SORCS1: variants seen among roughly 807,000 people sequenced by gnomAD.
The protein encoded by SORCS1 is VPS10 domain-containing receptor SorCS1.
In SORCS1, 60 loss-of-function variants were observed where a neutral mutation model predicts 146.1. That is an observed-to-expected ratio of 0.41 (90% CI 0.33 to 0.51). The LOEUF is 0.51. Ranked by LOEUF, SORCS1 falls within the 20% of genes least tolerant of loss-of-function variation. SORCS1 has a pLI of 0.21. For missense variants in SORCS1, 1,352 were observed against 1,487.6 expected, an observed-to-expected ratio of 0.91 and a Z score of 1.50; for synonymous variants, 637 against 584.0, an observed-to-expected ratio of 1.09 and a Z score of -1.31.
chr10:106,895,350 C>T (rs1589653060), intron 2 of SORCS1, among the ~76,000 whole-genome samples: 1 of 152,158 alleles, frequency 6.6e-6, no homozygotes, highest in Non-Finnish European at 1.5e-5. Context: ...GTGACTCATG[C>T]CTGTAATCCC....
chr10:106,608,851 G>A (rs962371179), intron 22 of SORCS1, among the ~76,000 whole-genome samples: 3 of 152,208 alleles, frequency 2.0e-5, no homozygotes, highest in Admixed American at 6.5e-5. Context: ...AAGAGACCCC[G>A]AGGGGAGACA....
chr10:106,660,776 C>T (rs559966397), intron 17 of SORCS1, among the ~76,000 whole-genome samples: 1 of 150,848 alleles, frequency 6.6e-6, no homozygotes, highest in Non-Finnish European at 1.5e-5. Context: ...GTCCCCATTG[C>T]ATATTGAGAA....
chr10:106,679,452 T>C, intron 11 of SORCS1, 120 bp from the exon 12 acceptor site: 1 of 963,204 alleles, frequency 1.0e-6, no homozygotes, highest in Non-Finnish European at 1.6e-6. Flanking sequence ...TGTGCAGGGG[T>C]TTTCTGCAGA....
Position 106,625,036 on chromosome 10 carries a change from G to T in SORCS1, c.2662+4166C>A, listed in dbSNP as rs922883508. 3.9e-5 allele frequency among the ~76,000 whole-genome samples: 6 copies of T among 152,206 alleles called. No individual in the cohort carries two copies. The East Asian group carries it at 5.8e-4, about 15-fold the overall frequency. ...AGACAGGTGCCTGCAATGCACAAAA[G>T]GGACAGTAGGTGGCGCTGCATCATT... On this transcript the variant is annotated intron_variant, in intron 19 of 25. Coordinates refer to ENST00000263054, the MANE Select transcript of SORCS1 (RefSeq NM_052918.5).
rs77492889 is a variant in SORCS1 at position 106,680,354 on chromosome 10, A to C, written c.1561-620T>G. Among the ~76,000 whole-genome samples the C allele has an allele frequency of 1.9e-3, 285 of 152,350 alleles. 2 individuals are homozygous for C. The highest frequency in any genetic ancestry group is 6.6e-3 in the African/African-American group (276 of 41,576). ...GGAGAGAAGGTCAAGTCAAGCTGGG[A>C]GGATTTTGAAAAAGTAGGTTGGCAT... On this transcript the variant is annotated intron_variant, in intron 10 of 25. Transcript: ENST00000263054.
At chr10:107,059,269 G>A (rs943249379) in intron 1 of SORCS1, among the ~76,000 whole-genome samples, 3 of 152,026 alleles carry the variant, frequency 2.0e-5, no homozygotes, top group Admixed American at 6.6e-5. Context: ...CAAATCCCAC[G>A]CACACATTAT....
chr10:106,996,042 C>A (rs1956984228), intron 1 of SORCS1, among the ~76,000 whole-genome samples: 1 of 151,874 alleles, frequency 6.6e-6, no homozygotes, highest in South Asian at 2.1e-4. Flanking sequence ...AAGTTCAAGA[C>A]CAGCCTGGCC....
chr10:106,743,916 C>G (rs1857531645), intron 5 of SORCS1, among the ~76,000 whole-genome samples: 1 of 152,106 alleles, frequency 6.6e-6, no homozygotes, highest in South Asian at 2.1e-4. Context: ...TCCTTCAGTA[C>G]TTTTTCAGTG....
chr10:106,978,955 A>G (rs1023023), intron 1 of SORCS1, among the ~76,000 whole-genome samples: 34,023 of 152,136 alleles, frequency 0.22, 4,621 homozygotes, highest in Middle Eastern at 0.34. Context: ...TTTATTTACA[A>G]AACAGGCAAT....
the SORCS1 span, among the ~76,000 whole-genome samples, chr10:107,178,496 A>G: frequency 6.7e-6 from 1 of 149,222 alleles, no homozygotes; most frequent in Admixed American, 6.7e-5. Context: ...TTATATATAT[A>G]TATATATTTT....
At chr10:106,844,150 T>A (rs1019287484) in intron 2 of SORCS1, among the ~76,000 whole-genome samples, 2 of 152,242 alleles carry the variant, frequency 1.3e-5, no homozygotes, top group Non-Finnish European at 2.9e-5. Flanking sequence ...ATGTTGAACA[T>A]CTTTTCATAT....
At chr10:106,850,136 T>C (rs1012950769) in intron 2 of SORCS1, among the ~76,000 whole-genome samples, 1 of 151,782 alleles carries the variant, frequency 6.6e-6, no homozygotes, top group Non-Finnish European at 1.5e-5. Flanking sequence ...TCCCGGCTGC[T>C]TTGTTTACCT....
chr10:107,175,126 AT>A, the SORCS1 span, among the ~76,000 whole-genome samples: 1 of 152,136 alleles, frequency 6.6e-6, no homozygotes, highest in African/African-American at 2.4e-5. Flanking sequence ...AAAACATTTT[AT>A]TTTATTATAG....
Position 106,800,872 on chromosome 10 carries a change from G to C in SORCS1, c.727-24180C>G, listed in dbSNP as rs542335543. ...AGGTGAATCTTAAAAAGAAACAGAG[G>C]GTCTCCTAGGCCTTCAGTGGGCTGG... is the stretch of plus-strand genomic sequence containing the variant. On this transcript the variant is annotated intron_variant, in intron 3 of 25. Coordinates refer to ENST00000263054, the MANE Select transcript of SORCS1 (RefSeq NM_052918.5). Among the ~76,000 whole-genome samples the C allele has an allele frequency of 2.0e-5, 3 of 152,132 alleles. No individual in the cohort carries two copies. In the South Asian group the frequency reaches 6.2e-4, roughly 32 times the overall value.
At chr10:106,652,246 A>G (rs1049853225) in intron 18 of SORCS1, 136 bp downstream of exon 18, 4 of 827,584 alleles carry the variant, frequency 4.8e-6, no homozygotes, top group Non-Finnish European at 7.1e-6. Context: ...AAAAACAAGG[A>G]ACTAAAAGTA....
intron 1 of SORCS1, among the ~76,000 whole-genome samples, chr10:106,970,781 C>T (rs1955743968): frequency 1.3e-5 from 2 of 151,922 alleles, no homozygotes; most frequent in African/African-American, 4.8e-5. Context: ...TCTTGTTGCC[C>T]AGGCTGGAGT....
At chr10:106,820,798 A>G (rs1478368457) in intron 3 of SORCS1, among the ~76,000 whole-genome samples, 1 of 152,224 alleles carries the variant, frequency 6.6e-6, no homozygotes, top group Non-Finnish European at 1.5e-5. Context: ...AAGATGACGG[A>G]AACCCCTGAG....
chr10:106,623,669 A>AT (rs1474966134), intron 19 of SORCS1, among the ~76,000 whole-genome samples: 2 of 149,866 alleles, frequency 1.3e-5, no homozygotes, highest in African/African-American at 2.5e-5. Context: ...ATTTTTATTT[A>AT]TTTTTTTATT....
At chr10:106,857,085 C>G (rs1054310051) in intron 2 of SORCS1, among the ~76,000 whole-genome samples, 1 of 152,186 alleles carries the variant, frequency 6.6e-6, no homozygotes, top group African/African-American at 2.4e-5. Context: ...CTCCTGATTA[C>G]TCTAAGTGCC....
Sources: gnomAD v4.1 joint callset for allele counts (sites outside exome capture counted in the v4.1 genomes callset) on GRCh38, gnomAD v4.1.1 for gene constraint, MANE v1.5 for transcripts, NCBI Gene and HGNC (gene_info 2026-07-23, HGNC 2026-07-21) for gene names.